The following SI variants were observed in gnomAD, a reference collection of about 807,000 sequenced individuals.
SI encodes sucrase-isomaltase.
A neutral mutation model predicts 253.3 loss-of-function variants in SI; 235 were observed. That is an observed-to-expected ratio of 0.93 (90% CI 0.83 to 1.03). SI has a LOEUF of 1.03. Ranked by LOEUF, SI falls within the 50% of genes least tolerant of loss-of-function variation. SI has a pLI of 0.00. For missense variants in SI, 2,442 were observed against 2,211.1 expected (o/e 1.10, Z -2.09); for synonymous variants, 819 against 712.0 (o/e 1.15, Z -2.39).
chr3:165,025,476 TC>T (rs771603568), intron 25 of SI, among the ~76,000 whole-genome samples: 3 of 151,050 alleles, frequency 2.0e-5, no homozygotes, highest in Non-Finnish European at 3.0e-5. Flanking sequence ...GATCTAGACA[TC>T]CAAATACAAG....
intron 34 of SI, among the ~76,000 whole-genome samples, chr3:165,012,482 G>A (rs1418949099): frequency 1.3e-5 from 2 of 152,158 alleles, no homozygotes; most frequent in African/African-American, 4.8e-5. Context: ...AGGCTGGAGT[G>A]CAGTGGTGCG....
chr3:165,079,866 A>C (rs748962164), upstream of SI, among the ~76,000 whole-genome samples: 1 of 151,886 alleles, frequency 6.6e-6, no homozygotes, highest in Non-Finnish European at 1.5e-5. Context: ...TTGATGAAAA[A>C]GTTAAAGATT....
Position 165,018,104 on chromosome 3 carries a change from A to G in SI, c.3424-38T>C, listed in dbSNP as rs755728523. 2.7e-6 allele frequency: 3 copies of G among 1,114,882 alleles called. No homozygotes were observed. In the South Asian group the frequency reaches 3.7e-5, roughly 14 times the overall value. 69.1% of individuals were successfully genotyped at this position (1,114,882 alleles called of 1,614,324 possible). A position where few individuals can be genotyped will look rare whatever the true frequency, so the allele number is the denominator to read the frequency against. On this transcript the variant is annotated intron_variant, in intron 28 of 47. Coordinates refer to ENST00000264382, the MANE Select transcript of SI (RefSeq NM_001041.4). ...AAATAAGCACAATATATTTTAAGTA[A>G]CAATAGCATGTGAATTTAATCAATG...
intron 3 of SI, among the ~76,000 whole-genome samples, chr3:165,073,897 T>C (rs1176547519): frequency 2.0e-5 from 3 of 152,112 alleles, no homozygotes; most frequent in Admixed American, 6.6e-5. Context: ...TTTGAACATC[T>C]GCAGATTTTG....
intron 22 of SI, 112 bp from the exon 23 acceptor site, chr3:165,033,556 A>G: frequency 1.9e-6 from 2 of 1,030,320 alleles, no homozygotes; most frequent in African/African-American, 1.7e-5. Context: ...CTGTTTATTA[A>G]TGAAGCATCC....
At chr3:165,018,179 T>C in intron 28 of SI, 113 bp from the exon 29 acceptor site, 1 of 703,916 alleles carries the variant, frequency 1.4e-6, no homozygotes, top group Non-Finnish European at 2.5e-6. Flanking sequence ...AAATTCCCGT[T>C]TCCCAACCTT....
chr3:165,061,673 A>G (rs1292023051), intron 9 of SI, among the ~76,000 whole-genome samples: 1 of 152,016 alleles, frequency 6.6e-6, no homozygotes, highest in African/African-American at 2.4e-5. Context: ...TTTCTTTTCC[A>G]TTGTAACACC....
At chr3:165,082,361 C>T (rs899350445), upstream of SI, among the ~76,000 whole-genome samples, 3 of 151,898 alleles carry the variant, frequency 2.0e-5, no homozygotes, top group Admixed American at 2.0e-4. Flanking sequence ...CCTAACTGGT[C>T]TCCCAAACTC....
intron 22 of SI, among the ~76,000 whole-genome samples, chr3:165,034,253 C>T (rs1412944950): frequency 6.6e-6 from 1 of 151,854 alleles, no homozygotes; most frequent in East Asian, 1.9e-4. Flanking sequence ...ATGCACATAG[C>T]TACATAGGTA....
At chr3:165,033,479 C>T (rs1334751443) in intron 22 of SI, 35 bp from the exon 23 acceptor site, 1 of 1,476,184 alleles carries the variant, frequency 6.8e-7, no homozygotes, top group East Asian at 2.5e-5. Flanking sequence ...GTACAAAATG[C>T]AATGTTAAAT....
chr3:165,043,327 T>A, intron 16 of SI, 152 bp from the exon 17 acceptor site: 1 of 591,446 alleles, frequency 1.7e-6, no homozygotes, highest in Non-Finnish European at 3.0e-6. Context: ...TATTTTCCAT[T>A]TTTGCTCTAT....
At chr3:165,083,132 A>G (rs763526070), upstream of SI, among the ~76,000 whole-genome samples, 9 of 151,880 alleles carry the variant, frequency 5.9e-5, no homozygotes, top group Non-Finnish European at 1.0e-4. Context: ...GGTTTATTAT[A>G]ATCTAACCAT....
intron 41 of SI, among the ~76,000 whole-genome samples, chr3:164,993,472 G>T (rs2108129462): frequency 6.6e-6 from 1 of 151,702 alleles, no homozygotes; most frequent in Admixed American, 6.6e-5. Flanking sequence ...TTTGGGTATT[G>T]TTTTAATTTG....
intron 9 of SI, among the ~76,000 whole-genome samples, chr3:165,061,908 C>G (rs953500060): frequency 6.6e-6 from 1 of 151,816 alleles, no homozygotes; most frequent in African/African-American, 2.4e-5. Context: ...GGATAAGAGC[C>G]AATTTTCCTG....
At chr3:165,076,254 T>C (rs1714965869) in intron 1 of SI, among the ~76,000 whole-genome samples, 1 of 151,774 alleles carries the variant, frequency 6.6e-6, no homozygotes. Flanking sequence ...GTAAAAGGAA[T>C]GAATTACTGA....
intron 47 of SI, 152 bp downstream of exon 47, chr3:164,982,091 G>A (rs537183109): frequency 2.1e-5 from 13 of 614,230 alleles, no homozygotes; most frequent in Non-Finnish European, 3.7e-5. Flanking sequence ...ATAGTAATAA[G>A]GAAATAAATA....
chr3:165,003,284 A>G (rs1184527084), intron 37 of SI, among the ~76,000 whole-genome samples: 8 of 151,916 alleles, frequency 5.3e-5, no homozygotes. Context: ...CTCAAAGCAC[A>G]TAATTTTTGT....
In SI at chr3:165,025,308, G is replaced by T. The variant is rs1304263118; in HGVS notation, c.2893-1532C>A. On this transcript the variant is annotated intron_variant, in intron 25 of 47. Coordinates refer to ENST00000264382, the MANE Select transcript of SI (RefSeq NM_001041.4). ...CAATCCAATAAAGACAAAGAAAAAAGAAGAAGACAATATGAACACAGCCTG... is the reference window on the plus strand; with the variant it reads ...CAATCCAATAAAGACAAAGAAAAAATAAGAAGACAATATGAACACAGCCTG... Among the ~76,000 whole-genome samples, 5 of 151,150 alleles carry T rather than the reference G, an allele frequency of 3.3e-5. No homozygotes were observed. The East Asian group carries it at 9.7e-4, about 29-fold the overall frequency.
intron 33 of SI, 116 bp from the exon 34 acceptor site, chr3:165,013,158 A>G (rs1718849172): frequency 1.3e-6 from 1 of 766,114 alleles, no homozygotes; most frequent in Non-Finnish European, 2.4e-6. Context: ...AAGTCTTCAG[A>G]TCTGCAATCC....
Sources: allele counts gnomAD v4.1 joint callset (sites outside exome capture counted in the v4.1 genomes callset), GRCh38; gene constraint gnomAD v4.1.1; transcripts MANE v1.5; gene names NCBI Gene and HGNC (gene_info 2026-07-23, HGNC 2026-07-21).